ZC3H12B: variants seen among roughly 807,000 people sequenced by gnomAD.
The protein encoded by ZC3H12B is zinc finger CCCH-type containing 12B, also known as probable ribonuclease ZC3H12B.
Under a neutral mutation model 43.9 loss-of-function variants are expected in ZC3H12B, and 7 were observed. That is an observed-to-expected ratio of 0.16 (90% CI 0.09 to 0.30). The LOEUF is 0.30. ZC3H12B is among the 10% of genes least tolerant of loss of function. The probability of loss-of-function intolerance (pLI) is 1.00; values close to 1 mark genes in which losing one functional copy is unlikely to be tolerated. For missense variants in ZC3H12B, 475 were observed against 670.2 expected (o/e 0.71, Z 3.22); for synonymous variants, 222 against 241.7 (o/e 0.92, Z 0.76).
At chrX:65,213,232 G>T in the ZC3H12B span, among the ~76,000 whole-genome samples, 1 of 109,961 alleles carries the variant, frequency 9.1e-6, no homozygotes, top group Non-Finnish European at 1.9e-5. Flanking sequence ...AGTATACCAA[G>T]TCTATTGTTT....
chrX:65,054,171 G>A, the ZC3H12B span, among the ~76,000 whole-genome samples: 3 of 112,009 alleles, frequency 2.7e-5, no homozygotes, highest in Non-Finnish European at 3.8e-5. Flanking sequence ...TTTTAGACAT[G>A]AAGTCCTTGC....
the ZC3H12B span, among the ~76,000 whole-genome samples, chrX:65,323,554 T>A: frequency 8.9e-6 from 1 of 112,498 alleles, no homozygotes; most frequent in South Asian, 3.7e-4. Context: ...TAGTATTCCA[T>A]GGTATATATG....
the ZC3H12B span, among the ~76,000 whole-genome samples, chrX:65,341,090 A>T: frequency 8.9e-6 from 1 of 112,344 alleles, no homozygotes; most frequent in Non-Finnish European, 1.9e-5. Flanking sequence ...AGAATAGACC[A>T]AGCTGAGGAG....
chrX:65,065,085 CTCTT>C, the ZC3H12B span, among the ~76,000 whole-genome samples: 4 of 110,908 alleles, frequency 3.6e-5, no homozygotes, highest in Non-Finnish European at 3.8e-5. Flanking sequence ...TGGGTTTTGA[CTCTT>C]TATCCAGTTT....
chrX:65,097,963 C>T, the ZC3H12B span, among the ~76,000 whole-genome samples: 1 of 111,459 alleles, frequency 9.0e-6, no homozygotes, highest in Non-Finnish European at 1.9e-5. Flanking sequence ...ATATATCTTT[C>T]TTTTAAATAT....
chrX:65,395,273 C>T (rs2066681263), intron 2 of ZC3H12B, among the ~76,000 whole-genome samples: 1 of 111,864 alleles, frequency 8.9e-6, no homozygotes, highest in Non-Finnish European at 1.9e-5. Flanking sequence ...AGAGGGCATC[C>T]TTGTTTGTGC....
chrX:65,067,306 G>C, the ZC3H12B span, among the ~76,000 whole-genome samples: 1 of 112,070 alleles, frequency 8.9e-6, no homozygotes, highest in Non-Finnish European at 1.9e-5. Context: ...TCTGCAGGTT[G>C]CAAAAACCGT....
the ZC3H12B span, among the ~76,000 whole-genome samples, chrX:65,192,544 A>T: frequency 1.1e-4 from 12 of 110,866 alleles, no homozygotes; most frequent in African/African-American, 3.9e-4. Flanking sequence ...GTTTTTTGGT[A>T]GGTTTATTTA....
At chrX:65,347,062 G>A in the ZC3H12B span, among the ~76,000 whole-genome samples, 2 of 112,098 alleles carry the variant, frequency 1.8e-5, no homozygotes, top group South Asian at 7.4e-4. Flanking sequence ...GCTCTGGCTG[G>A]CATCTGGCAA....
At position 65,373,999 on chromosome X, in the gene ZC3H12B, A is replaced by ATATATATATAACTATATATACAG. The variant is rs1244206271; in HGVS notation, n.295+5033_295+5055dup. Among the ~76,000 whole-genome samples the ATATATATATAACTATATATACAG allele has an allele frequency of 1.6e-4, 8 of 48,858 alleles. 1 individual carries two copies. Among genetic ancestry groups the ATATATATATAACTATATATACAG allele is most frequent in the South Asian group, 2.0e-3 (2 of 987 alleles). The allele number at this position is 48,858 out of a possible 115,157, so 42.4% of individuals were successfully genotyped here. A position where few individuals can be genotyped will look rare whatever the true frequency, so the allele number is the denominator to read the frequency against. ...TATATATATACTATATATATATAGTATATATATATAACTATATATACAGTA... is the reference window on the plus strand; with the variant it reads ...TATATATATACTATATATATATAGTATATATATATAACTATATATACAGTATATATATAACTATATATACAGTA... On this transcript the variant is annotated intron_variant and non_coding_transcript_variant, in intron 2 of 5. Transcript: ENST00000617377.
At chrX:65,190,485 T>C in the ZC3H12B span, among the ~76,000 whole-genome samples, 1 of 110,186 alleles carries the variant, frequency 9.1e-6, no homozygotes, top group African/African-American at 3.3e-5. Flanking sequence ...GAGGAGTGTT[T>C]TGTAGTTCTC....
chrX:65,455,380 A>T (rs1385014320), intron 3 of ZC3H12B, among the ~76,000 whole-genome samples: 2 of 112,386 alleles, frequency 1.8e-5, no homozygotes, highest in Non-Finnish European at 3.8e-5. Flanking sequence ...GGTATCAGTG[A>T]TTGAAGATCA....
At chrX:65,139,477 G>A in the ZC3H12B span, among the ~76,000 whole-genome samples, 1 of 111,541 alleles carries the variant, frequency 9.0e-6, no homozygotes, top group African/African-American at 3.3e-5. Flanking sequence ...ATGCTGTTTT[G>A]TTGCTATAGC....
the ZC3H12B span, among the ~76,000 whole-genome samples, chrX:65,061,288 A>T: frequency 9.0e-6 from 1 of 111,055 alleles, no homozygotes; most frequent in Non-Finnish European, 1.9e-5. Flanking sequence ...CATGCATTAG[A>T]TATTTCTCCT....
the ZC3H12B span, among the ~76,000 whole-genome samples, chrX:65,291,756 T>C: frequency 8.9e-6 from 1 of 112,188 alleles, no homozygotes; most frequent in Non-Finnish European, 1.9e-5. Context: ...TACACTATAC[T>C]TTAAAATTTG....
At chrX:65,396,876 C>T (rs1379325782) in intron 2 of ZC3H12B, among the ~76,000 whole-genome samples, 1 of 111,481 alleles carries the variant, frequency 9.0e-6, no homozygotes, top group Non-Finnish European at 1.9e-5. Flanking sequence ...TTTTATGAAT[C>T]TAGGTGCTTC....
chrX:65,449,015 G>A (rs867940140), intron 3 of ZC3H12B, among the ~76,000 whole-genome samples: 1 of 19,651 alleles, frequency 5.1e-5, no homozygotes, highest in African/African-American at 7.5e-4. Flanking sequence ...AGAAAGAAAG[G>A]AAGGAAAGAA....
At chrX:65,475,054 G>C (rs1207578037) in intron 3 of ZC3H12B, among the ~76,000 whole-genome samples, 2 of 111,872 alleles carry the variant, frequency 1.8e-5, no homozygotes, top group African/African-American at 6.5e-5. Flanking sequence ...ATTTTCAGTG[G>C]ATAACAATGT....
intron 2 of ZC3H12B, among the ~76,000 whole-genome samples, chrX:65,385,449 TTGCC>T (rs1008826756): frequency 9.0e-6 from 1 of 111,526 alleles, no homozygotes; most frequent in East Asian, 2.8e-4. Context: ...GGCTGTCTGT[TTGCC>T]TGTTATTGGT....
Sources: gnomAD v4.1 joint callset for allele counts (sites outside exome capture counted in the v4.1 genomes callset) on GRCh38, gnomAD v4.1.1 for gene constraint, MANE v1.5 for transcripts, NCBI Gene and HGNC (gene_info 2026-07-23, HGNC 2026-07-21) for gene names.